Variants in SRGAP3 observed in about 807,000 individuals in gnomAD.
SRGAP3 encodes SLIT-ROBO Rho GTPase-activating protein 3.
In SRGAP3, 39 loss-of-function variants were observed where a neutral mutation model predicts 121.1. The ratio of observed to expected loss-of-function variants is 0.32; its 90% confidence interval spans 0.25 to 0.42. The LOEUF (loss-of-function observed/expected upper bound fraction) is 0.42, where lower values mean the gene tolerates loss of function less well. SRGAP3 is among the 10% of genes least tolerant of loss of function. SRGAP3 has a pLI of 1.00. For synonymous variants in SRGAP3, 601 were observed against 570.0 expected (o/e 1.05, Z -0.77); for missense variants, 1,213 against 1,470.6 (o/e 0.82, Z 2.86).
chr3:9,062,983 G>A (rs1176776342), intron 5 of SRGAP3, among the ~76,000 whole-genome samples: 1 of 152,114 alleles, frequency 6.6e-6, no homozygotes, highest in Non-Finnish European at 1.5e-5. Context: ...CTTTAGTAGT[G>A]TGTGAAGATT....
At chr3:9,119,555 G>C (rs1948928203) in intron 2 of SRGAP3, among the ~76,000 whole-genome samples, 1 of 152,160 alleles carries the variant, frequency 6.6e-6, no homozygotes, top group Non-Finnish European at 1.5e-5. Flanking sequence ...GCTTGGTGTG[G>C]GCTGCCAACC....
At chr3:9,322,162 A>T (rs1955447914) in intron 3 of SRGAP3, among the ~76,000 whole-genome samples, 1 of 151,598 alleles carries the variant, frequency 6.6e-6, no homozygotes, top group African/African-American at 2.4e-5. Context: ...TCAGCTGTAA[A>T]ATCGTAGATT....
intron 1 of SRGAP3, among the ~76,000 whole-genome samples, chr3:9,131,940 A>C (rs1383104045): frequency 6.6e-6 from 1 of 152,088 alleles, no homozygotes; most frequent in African/African-American, 2.4e-5. Flanking sequence ...GTCTTACTAA[A>C]GATCACTTTG....
At chr3:9,284,411 T>C (rs1056229431) in intron 3 of SRGAP3, among the ~76,000 whole-genome samples, 7 of 152,244 alleles carry the variant, frequency 4.6e-5, no homozygotes, top group African/African-American at 1.7e-4. Context: ...CAATGACTAC[T>C]AGTAAAGTTT....
intron 4 of SRGAP3, among the ~76,000 whole-genome samples, chr3:9,078,214 G>A (rs1244394101): frequency 1.3e-5 from 2 of 152,154 alleles, no homozygotes; most frequent in African/African-American, 2.4e-5. Flanking sequence ...CCAAGAAGAG[G>A]AGCCCCGCTG....
chr3:9,286,934 G>A (rs950024415), intron 3 of SRGAP3, among the ~76,000 whole-genome samples: 5 of 143,246 alleles, frequency 3.5e-5, no homozygotes, highest in African/African-American at 1.0e-4. Flanking sequence ...TCAGGACATC[G>A]TTATTATCTT....
chr3:9,212,988 C>T (rs972832455), intron 1 of SRGAP3, among the ~76,000 whole-genome samples: 2 of 152,194 alleles, frequency 1.3e-5, no homozygotes, highest in Non-Finnish European at 2.9e-5. Context: ...AAAAGATTCC[C>T]ATTTCCCCCT....
rs1251957126 is a variant in SRGAP3, at chr3:8,982,795, G to C, written c.*2724C>G. On this transcript the variant is annotated 3_prime_UTR_variant, in exon 22 of 22. Transcript: ENST00000383836. ...ATGAGTGGGGAGACGTCTGCCATCT[G>C]TGTGTGTACATCCCTAAATGTGAAC... The C allele has an allele frequency of 4.5e-6, 1 of 222,554 alleles. No homozygotes were observed. The highest frequency in any genetic ancestry group is 8.9e-6 in the Non-Finnish European group (1 of 112,196). The allele number at this position is 222,554 out of a possible 1,614,324, so 13.8% of individuals were successfully genotyped here.
intron 1 of SRGAP3, among the ~76,000 whole-genome samples, chr3:9,188,782 C>A (rs1459164984): frequency 6.6e-6 from 1 of 152,162 alleles, no homozygotes; most frequent in Non-Finnish European, 1.5e-5. Flanking sequence ...GCAAGGCTCT[C>A]TGTGAATAAT....
chr3:9,242,429 G>GT (rs1953679368), intron 1 of SRGAP3, among the ~76,000 whole-genome samples: 1 of 152,164 alleles, frequency 6.6e-6, no homozygotes, highest in Non-Finnish European at 1.5e-5. Flanking sequence ...GAGGTTAGGA[G>GT]TTTGAGACCA....
Position 9,314,909 on chromosome 3 carries a change from C to T in SRGAP3, n.442+11101G>A, listed in dbSNP as rs113357623. Among the ~76,000 whole-genome samples the T allele has an allele frequency of 8.3e-3, 1,258 of 152,326 alleles. 8 individuals are homozygous for T. Among genetic ancestry groups the T allele is most frequent in the Non-Finnish European group, 0.014 (950 of 68,040 alleles). On this transcript the variant is annotated intron_variant and non_coding_transcript_variant, in intron 3 of 3. Coordinates refer to the SRGAP3 transcript ENST00000490889. ...CAGCTTCATTCTCAGTGCCTGGAGC[C>T]TCATCTTGGCAAATTCCCAGCACAT...
Position 9,071,361 on chromosome 3 carries a change from C to T in SRGAP3, c.487-6780G>A, listed in dbSNP as rs567132228. On this transcript the variant is annotated intron_variant, in intron 4 of 21. Coordinates refer to ENST00000383836, the MANE Select transcript of SRGAP3 (RefSeq NM_014850.4). ...GGGAGTTTGACATCACCCCACAATC[C>T]TGGGGTGGGCATGAGACCCTGGCCT... 2.6e-5 allele frequency among the ~76,000 whole-genome samples: 4 copies of T among 152,190 alleles called. No homozygotes were observed. The East Asian group carries it at 7.7e-4, about 29-fold the overall frequency.
intron 10 of SRGAP3, among the ~76,000 whole-genome samples, chr3:9,040,595 T>C (rs1179144281): frequency 6.6e-6 from 1 of 152,134 alleles, no homozygotes; most frequent in Non-Finnish European, 1.5e-5. Context: ...TTTTAGACTC[T>C]GTTGTCCGCT....
At chr3:9,094,961 T>A (rs893498343) in intron 3 of SRGAP3, among the ~76,000 whole-genome samples, 1 of 151,768 alleles carries the variant, frequency 6.6e-6, no homozygotes, top group Admixed American at 6.6e-5. Flanking sequence ...GGGGTCTCCC[T>A]ATATTGCCCA....
At chr3:9,039,417 C>T (rs937955487) in intron 10 of SRGAP3, among the ~76,000 whole-genome samples, 7 of 152,198 alleles carry the variant, frequency 4.6e-5, no homozygotes, top group African/African-American at 1.7e-4. Flanking sequence ...ACTCTATGTC[C>T]AGATCTTACG....
chr3:9,171,237 A>C (rs1575180849), intron 1 of SRGAP3, among the ~76,000 whole-genome samples: 1 of 152,250 alleles, frequency 6.6e-6, no homozygotes, highest in Non-Finnish European at 1.5e-5. Context: ...CTTGGGCCCC[A>C]GGCAGAGGCC....
chr3:9,087,601 G>A (rs928570426), intron 3 of SRGAP3, among the ~76,000 whole-genome samples: 4 of 152,162 alleles, frequency 2.6e-5, no homozygotes, highest in Non-Finnish European at 4.4e-5. Flanking sequence ...CAGGAGGCAC[G>A]GAGACTGGGG....
At chr3:9,176,002 A>G (rs1057448574) in intron 1 of SRGAP3, among the ~76,000 whole-genome samples, 1 of 152,074 alleles carries the variant, frequency 6.6e-6, no homozygotes, top group Non-Finnish European at 1.5e-5. Context: ...GCTCACTGCA[A>G]ACTCCGCCTC....
chr3:9,147,802 G>A (rs1950075636), intron 1 of SRGAP3, among the ~76,000 whole-genome samples: 1 of 152,182 alleles, frequency 6.6e-6, no homozygotes. Context: ...GCCTCCAGGA[G>A]AAAGGAATGC....
Sources: gnomAD v4.1 joint callset for allele counts (sites outside exome capture counted in the v4.1 genomes callset) on GRCh38, gnomAD v4.1.1 for gene constraint, MANE v1.5 for transcripts, NCBI Gene and HGNC (gene_info 2026-07-23, HGNC 2026-07-21) for gene names.